Variants in TTN observed in about 807,000 individuals in gnomAD.
TTN encodes connectin.
Under a neutral mutation model 3,223.0 loss-of-function variants are expected in TTN, and 1,525 were observed. The observed-to-expected ratio is 0.47, with a 90% CI of 0.45 to 0.49. The LOEUF is 0.49. Ranked by LOEUF, TTN falls within the 20% of genes least tolerant of loss-of-function variation. The pLI, the probability that TTN is intolerant of heterozygous loss-of-function variation, is 0.00. For missense variants in TTN, 40,786 were observed against 43,424.0 expected, an observed-to-expected ratio of 0.94 and a Z score of 5.40; for synonymous variants, 14,094 against 15,161.0, an observed-to-expected ratio of 0.93 and a Z score of 5.17.
chr2:178,781,383 C>T lies in TTN; in HGVS notation c.3381-120G>A, dbSNP rs72647869. Reference sequence around the variant, plus strand: ...AAATTCAATGACCCTAAACATATGACTAAGCTCCACAATAGATTATAAGAT... The same window carrying T: ...AAATTCAATGACCCTAAACATATGATTAAGCTCCACAATAGATTATAAGAT... On this transcript the variant is annotated intron_variant, in intron 20 of 362. Transcript: ENST00000589042. 615 of 1,108,812 alleles carry T rather than the reference C, an allele frequency of 5.5e-4. 3 individuals carry two copies. The African/African-American group carries it at 8.7e-3, about 16-fold the overall frequency. 68.7% of individuals were successfully genotyped at this position (1,108,812 alleles called of 1,614,324 possible). A position where few individuals can be genotyped will look rare whatever the true frequency, so the allele number is the denominator to read the frequency against.
Position 178,689,165 on chromosome 2 carries a change from T to C in TTN, c.32012-29A>G, listed in dbSNP as rs1481802297. 4 of 1,595,526 alleles carry C rather than the reference T, an allele frequency of 2.5e-6. No individual in the cohort carries two copies. The African/African-American group carries it at 5.4e-5, about 22-fold the overall frequency. On this transcript the variant is annotated intron_variant, in intron 124 of 362. Coordinates refer to ENST00000589042, the MANE Select transcript of TTN (RefSeq NM_001267550.2). ...TAGAGACATTATGCACTTTTAGAAA[T>C]TTAATGTGATCTCATTGAAGCCCAG...
intron 114 of TTN, 52 bp from the exon 115 acceptor site, chr2:178,695,462 T>G (rs550187067): frequency 7.0e-7 from 1 of 1,427,312 alleles, no homozygotes; most frequent in African/African-American, 1.4e-5. Flanking sequence ...GTAAGTTCTC[T>G]TAGGTTGTTA....
At chr2:178,747,535 T>A (rs2084016779) in intron 47 of TTN, 1 of 1,613,218 alleles carries the variant, frequency 6.2e-7, no homozygotes, top group Admixed American at 1.7e-5. Flanking sequence ...GTGATTCCTG[T>A]TTCTGGTTGT....
chr2:178,753,040 A>G (rs2085988674), intron 47 of TTN, 84 bp downstream of exon 47: 1 of 1,109,468 alleles, frequency 9.0e-7, no homozygotes, highest in East Asian at 2.4e-5. Context: ...TTTTCTCAAT[A>G]ATACTAAGAG....
chr2:178,609,762 G>C lies in TTN; in HGVS notation c.51661C>G (p.Arg17221Gly). ...GLEEGKEYQF[R>G]VRAENAAGIS... is the part of the protein sequence containing the mutation. ...CCCGCGGCGTTCTCTGCTCGCACAC[G>C]GAATTGGTACTCTTTCCCCTCTTCA... is the stretch of plus-strand genomic sequence containing the variant. Residue 17221 changes from arginine to glycine, a missense_variant, in exon 272 of 363, where the codon CGT becomes GGT. Coordinates refer to ENST00000589042, the MANE Select transcript of TTN (RefSeq NM_001267550.2). 6.2e-7 allele frequency: 1 copy of C among 1,612,648 alleles called. No individual in the cohort carries two copies. Among genetic ancestry groups the C allele is most frequent in the Non-Finnish European group, 8.5e-7 (1 of 1,179,124 alleles).
Position 178,681,674 on chromosome 2 carries a change from G to T in TTN, c.33159C>A (p.Ala11053=), listed in dbSNP as rs778727479. 2 of 1,604,810 alleles carry T rather than the reference G, an allele frequency of 1.2e-6. No homozygotes were observed. Among genetic ancestry groups the T allele is most frequent in the Admixed American group, 1.7e-5 (1 of 57,654 alleles). The change falls in exon 136 of 363, where the codon GCC becomes GCA. Residue 11053 remains alanine (A), a synonymous_variant. Coordinates refer to ENST00000589042, the MANE Select transcript of TTN (RefSeq NM_001267550.2). The stretch of plus-strand genomic sequence containing the variant: ...TTTTCACTCTACCTTTAGCCGGTGG[G>T]GCCTTTGGTTTTGTGGGAACTGGTT... ...PEEPVPTKPK[A]PPAKVLKKAV...
At chr2:178,578,237 T>C in intron 321 of TTN, 52 bp from the exon 322 acceptor site, 2 of 1,497,790 alleles carry the variant, frequency 1.3e-6, no homozygotes, top group Non-Finnish European at 1.8e-6. Flanking sequence ...GATTTTACAA[T>C]ATATATGTGT....
chr2:178,694,250 CA>C (rs965475462), intron 117 of TTN, among the ~76,000 whole-genome samples: 2 of 152,106 alleles, frequency 1.3e-5, no homozygotes, highest in African/African-American at 4.8e-5. Flanking sequence ...TCTTCACACA[CA>C]ATGTTGTGCT....
chr2:178,720,006 C>T lies in TTN; in HGVS notation c.23636G>A (p.Cys7879Tyr), dbSNP rs2078102033. Reference protein sequence around the residue: ...QIKNDAGMRECSAVLTVLEPA... With the variant: ...QIKNDAGMREYSAVLTVLEPA... ...ACCTAGTACAGTCAAGACTGCAGAGCATTCTCTCATTCCAGCATCGTTTTT... is the reference window on the plus strand; with the variant it reads ...ACCTAGTACAGTCAAGACTGCAGAGTATTCTCTCATTCCAGCATCGTTTTT... Residue 7879 changes from cysteine (C) to tyrosine (Y), a missense_variant, in exon 81 of 363, where the codon TGC becomes TAC. Cys to Tyr is a radical substitution (Grantham distance 194). Transcript: ENST00000589042. 1 of 1,611,216 alleles carries T rather than the reference C, an allele frequency of 6.2e-7. No homozygotes were observed. Among genetic ancestry groups the T allele is most frequent in the Non-Finnish European group, 8.5e-7 (1 of 1,178,314 alleles).
intron 286 of TTN, 21 bp from the exon 287 acceptor site, chr2:178,601,585 T>G (rs1559690126): frequency 6.3e-7 from 1 of 1,598,010 alleles, no homozygotes; most frequent in Admixed American, 1.7e-5. Flanking sequence ...TAAATCACAA[T>G]ATAAGCAACG....
At chr2:178,681,315 G>A (rs72650037) in intron 137 of TTN, 61 bp downstream of exon 137, 55 of 1,509,628 alleles carry the variant, frequency 3.6e-5, no homozygotes, top group Non-Finnish European at 4.8e-5. Context: ...GGGCTAGGAA[G>A]ACATGATTTT....
At chr2:178,751,358 G>T (rs1384082535) in intron 47 of TTN, 2 of 1,605,892 alleles carry the variant, frequency 1.2e-6, no homozygotes, top group Non-Finnish European at 1.7e-6. Flanking sequence ...TCTTATGTCA[G>T]ATTTACTTTC....
Position 178,802,151 on chromosome 2 carries a change from C to T in TTN, c.282G>A (p.Glu94=). ...CCAGCAGCCTACCTTTCACGAGAAG[C>T]TCAGCAGTACTAGTCGCTTGTCCAG... ...NGSGQATSTA[E]LLVKAETAPP... The change falls in exon 3 of 363, where the codon GAG becomes GAA. Residue 94 remains glutamate (E), a synonymous_variant. Transcript: ENST00000589042. The T allele has an allele frequency of 6.2e-7, 1 of 1,614,108 alleles. No homozygotes were observed.
Position 178,732,074 on chromosome 2 carries a change from A to G in TTN, c.16895T>C (p.Ile5632Thr), listed in dbSNP as rs727504971. Residue 5632 changes from isoleucine (I) to threonine (T), a missense_variant, in exon 57 of 363, where the codon ATA becomes ACA. Ile to Thr is a moderately conservative substitution (Grantham distance 89, BLOSUM62 -1). Coordinates refer to ENST00000589042, the MANE Select transcript of TTN (RefSeq NM_001267550.2). Reference protein sequence around the residue: ...AGSDHCSSIVIVKESPYFTKE... With the variant: ...AGSDHCSSIVTVKESPYFTKE... The stretch of plus-strand genomic sequence containing the variant: ...GCAAAGTGAACACAAACCTTTGACT[A>G]TTACAATGCTACTGCAGTGGTCACT... 1.9e-6 allele frequency: 3 copies of G among 1,604,208 alleles called. No homozygotes were observed. The highest frequency in any genetic ancestry group is 2.7e-5 in the African/African-American group (2 of 74,708).
In TTN at chr2:178,562,106, A is replaced by G. The variant is rs1337839201; in HGVS notation, c.84026T>C (p.Val28009Ala). The change falls in exon 326 of 363, where the codon GTC becomes GCC. Residue 28009 changes from valine (V) to alanine (A), a missense_variant. Transcript: ENST00000589042. ...DGQTLKETTR[V>A]NVSSSKTVTS... is the part of the protein sequence containing the mutation. ...TACAGTCTTTGAAGAAGAAACATTG[A>G]CTCTAGTTGTCTCTTTAAGAGTCTG... 3 of 1,613,066 alleles carry G rather than the reference A, an allele frequency of 1.9e-6. No homozygotes were observed. The highest frequency in any genetic ancestry group is 1.3e-5 in the African/African-American group (1 of 74,860).
chr2:178,527,643 T>G lies in TTN; in HGVS notation c.107483A>C (p.Gln35828Pro). Reference sequence around the variant, plus strand: ...GCTGAAACTGCTGAAGGAGGCCTCCTGCTTGGAGGCAGACATTTGGACTGA... The same window carrying G: ...GCTGAAACTGCTGAAGGAGGCCTCCGGCTTGGAGGCAGACATTTGGACTGA... The part of the protein sequence containing the change: ...SQSVQMSASK[Q>P]EASFSSFSSS... Residue 35828 changes from glutamine (Q) to proline (P), a missense_variant, in exon 362 of 363, where the codon CAG becomes CCG. Physicochemically the swap from Gln to Pro is moderately conservative, Grantham distance 76. Transcript: ENST00000589042. 6.2e-7 allele frequency: 1 copy of G among 1,613,956 alleles called. No individual in the cohort carries two copies. The highest frequency in any genetic ancestry group is 8.5e-7 in the Non-Finnish European group (1 of 1,179,820).
At chr2:178,671,251 G>T in intron 155 of TTN, 81 bp from the exon 156 acceptor site, 6 of 935,056 alleles carry the variant, frequency 6.4e-6, no homozygotes, top group South Asian at 2.1e-5. Flanking sequence ...GTACAATGAG[G>T]GGTCACAAAA....
At chr2:178,767,641 C>G in intron 40 of TTN, 118 bp downstream of exon 40, 2 of 1,422,688 alleles carry the variant, frequency 1.4e-6, no homozygotes, top group Non-Finnish European at 1.9e-6. Flanking sequence ...TAAGAATGAG[C>G]TGATTTAATT....
In TTN at chr2:178,680,221, G is replaced by T. The variant is rs143906578; in HGVS notation, c.33418+33C>A. On this transcript the variant is annotated intron_variant, in intron 139 of 362. Coordinates refer to ENST00000589042, the MANE Select transcript of TTN (RefSeq NM_001267550.2). ...GAAGAGGAATTCAACAGCAAAAGAC[G>T]AACAAAACATTAAAATGAGTGCCAT... is the stretch of plus-strand genomic sequence containing the variant. 44 of 1,606,056 alleles carry T rather than the reference G, an allele frequency of 2.7e-5. No homozygotes were observed. In the East Asian group the frequency reaches 7.4e-4, roughly 27 times the overall value.
Sources: allele counts gnomAD v4.1 joint callset (sites outside exome capture counted in the v4.1 genomes callset), GRCh38; gene constraint gnomAD v4.1.1; transcripts MANE v1.5; gene names NCBI Gene and HGNC (gene_info 2026-07-23, HGNC 2026-07-21).